The following SLC29A1 variants were observed in gnomAD, a reference collection of about 807,000 sequenced individuals.
SLC29A1 encodes solute carrier family 29 member 1 (Augustine blood group), also known as equilibrative nucleoside transporter 1.
In SLC29A1, 22 loss-of-function variants were observed where a neutral mutation model predicts 48.3. That is an observed-to-expected ratio of 0.46 (90% CI 0.33 to 0.65). The LOEUF is 0.65. Among genes scored for constraint, SLC29A1 ranks in the 30% least tolerant of loss-of-function variants. SLC29A1 has a pLI of 0.03. For missense variants in SLC29A1, 491 were observed against 575.3 expected (o/e 0.85, Z 1.50); for synonymous variants, 228 against 231.0 (o/e 0.99, Z 0.12).
chr6:44,221,554 G>A (rs767050099), upstream of SLC29A1: 102 of 1,123,908 alleles, frequency 9.1e-5, 2 homozygotes, highest in South Asian at 1.3e-3. This position sits in a 1 kb window ranked among gnomAD's most constrained non-coding sequence, Gnocchi z 4.2. Flanking sequence ...GGTGCAGCAG[G>A]ACCAACCCTT....
At chr6:44,227,633 G>A (rs528198951) in intron 2 of SLC29A1, among the ~76,000 whole-genome samples, 84 of 152,316 alleles carry the variant, frequency 5.5e-4, no homozygotes, top group African/African-American at 1.8e-3. Flanking sequence ...ACCACTGTGG[G>A]GAGATACTTG....
chr6:44,231,607 G>C (rs1172861947), intron 9 of SLC29A1, 146 bp downstream of exon 9: 1 of 637,670 alleles, frequency 1.6e-6, no homozygotes, highest in South Asian at 1.9e-5. Flanking sequence ...GTGCCCATGC[G>C]TGCGTGCCGG....
chr6:44,230,091 C>T (rs759284234), intron 5 of SLC29A1, 45 bp downstream of exon 5: 2 of 1,598,360 alleles, frequency 1.3e-6, no homozygotes, highest in East Asian at 4.5e-5. Flanking sequence ...GCATGCCCAA[C>T]TACCCCCACT....
intron 12 of SLC29A1, 52 bp from the exon 13 acceptor site, chr6:44,233,365 G>A: frequency 6.9e-7 from 1 of 1,453,224 alleles, no homozygotes; most frequent in South Asian, 1.1e-5. Context: ...CAGAGGCTCT[G>A]GGCTGGGGTA....
chr6:44,219,656 G>A, upstream of SLC29A1: 1 of 1,260,876 alleles, frequency 7.9e-7, no homozygotes, highest in Non-Finnish European at 1.0e-6. Context: ...GGCCCGGCGC[G>A]GGCTGCGCTC....
chr6:44,230,296 C>T (rs1778536693), intron 5 of SLC29A1, 51 bp from the exon 6 acceptor site: 1 of 1,586,922 alleles, frequency 6.3e-7, no homozygotes, highest in Non-Finnish European at 8.6e-7. Flanking sequence ...TCTTGGGCAC[C>T]CCCAACCACC....
At chr6:44,224,033 C>G (rs1776904144) in intron 1 of SLC29A1, 1 of 34,672 alleles carries the variant, frequency 2.9e-5, no homozygotes, top group East Asian at 1.3e-3. Flanking sequence ...TGGAGGCTCG[C>G]GAGCGGAGGT....
At position 44,230,843 on chromosome 6, in the gene SLC29A1, T is replaced by G. The variant is rs765398928; in HGVS notation, c.720T>G (p.Leu240=). The change falls in exon 8 of 13, where the codon CTT becomes CTG. Residue 240 remains leucine, a synonymous_variant. Transcript: ENST00000371755. ...ACCGCTACTACCAGCAGCTCAAGCT[T>G]GAAGGACCCGGGGAGCAGGAGACCA... The part of the protein sequence containing the change: ...EFYRYYQQLK[L]EGPGEQETKL... 1 of 1,614,032 alleles carries G rather than the reference T, an allele frequency of 6.2e-7. No individual in the cohort carries two copies. Among genetic ancestry groups the G allele is most frequent in the Non-Finnish European group, 8.5e-7 (1 of 1,179,998 alleles).
At position 44,228,258 on chromosome 6, in the gene SLC29A1, C is replaced by T. The variant is rs373407308; in HGVS notation, c.29+916C>T. Among the ~76,000 whole-genome samples the T allele has an allele frequency of 1.2e-3, 185 of 152,314 alleles. 2 individuals carry two copies. The South Asian group carries it at 0.025, about 21-fold the overall frequency. The stretch of plus-strand genomic sequence containing the variant: ...GTGGGCAGTTCCCTGAAGGCCTCGC[C>T]GGCTCCATTTGCCTTATTGCACAGC... On this transcript the variant is annotated intron_variant, in intron 2 of 12. Coordinates refer to ENST00000371755, the MANE Select transcript of SLC29A1 (RefSeq NM_001372327.1).
At position 44,229,735 on chromosome 6, in the gene SLC29A1, A is replaced by G. The variant is rs1348296134; in HGVS notation, c.258A>G (p.Leu86=). ...LSAIFNNVMT[L]CAMLPLLLFT... ...CCATCTTCAACAATGTCATGACCCT[A>G]TGTGCCATGCTGCCCCTGCTGTTAT... Residue 86 remains leucine (L), a synonymous_variant, in exon 4 of 13, where the codon CTA becomes CTG. Coordinates refer to ENST00000371755, the MANE Select transcript of SLC29A1 (RefSeq NM_001372327.1). This position sits in a 1 kb window ranked among gnomAD's most constrained non-coding sequence, Gnocchi z 5.1. 1 of 1,613,678 alleles carries G rather than the reference A, an allele frequency of 6.2e-7. No homozygotes were observed. Among genetic ancestry groups the G allele is most frequent in the East Asian group, 2.2e-5 (1 of 44,884 alleles).
chr6:44,232,740 G>A lies in SLC29A1; in HGVS notation c.1060-67G>A, dbSNP rs1779174803. The A allele has an allele frequency of 5.3e-6, 8 of 1,510,514 alleles. No individual in the cohort carries two copies. Among genetic ancestry groups the A allele is most frequent in the Admixed American group, 1.7e-5 (1 of 57,600 alleles). 93.6% of individuals were successfully genotyped at this position (1,510,514 alleles called of 1,614,324 possible). On this transcript the variant is annotated intron_variant, in intron 11 of 12. Coordinates refer to ENST00000371755, the MANE Select transcript of SLC29A1 (RefSeq NM_001372327.1). The surrounding 1 kb of genome is among the most constrained non-coding windows in gnomAD (Gnocchi z 4.7). ...TTCAGATCCTGAGGGGCCCCAGATGGATCCTTGGGGGCCTGGCTGTGCCCT... is the reference window on the plus strand; with the variant it reads ...TTCAGATCCTGAGGGGCCCCAGATGAATCCTTGGGGGCCTGGCTGTGCCCT...
In SLC29A1 at chr6:44,230,390, C is replaced by G; in HGVS notation, c.498C>G (p.Gly166=). The change falls in exon 6 of 13, where the codon GGC becomes GGG. Residue 166 remains glycine (G), a synonymous_variant. Coordinates refer to ENST00000371755, the MANE Select transcript of SLC29A1 (RefSeq NM_001372327.1). ...AGGGCAGCCTGTTTGGTCTGGCTGG[C>G]CTTCTGCCTGCCAGCTACACGGCCC... The part of the protein sequence containing the change: ...ILQGSLFGLA[G]LLPASYTAPI... The G allele has an allele frequency of 6.2e-7, 1 of 1,614,068 alleles. No homozygotes were observed. Among genetic ancestry groups the G allele is most frequent in the Non-Finnish European group, 8.5e-7 (1 of 1,179,938 alleles).
At position 44,229,532 on chromosome 6, in the gene SLC29A1, C is replaced by G. The variant is rs1778356744; in HGVS notation, c.112-57C>G. On this transcript the variant is annotated intron_variant, in intron 3 of 12. Transcript: ENST00000371755. This position sits in a 1 kb window ranked among gnomAD's most constrained non-coding sequence, Gnocchi z 5.1. The stretch of plus-strand genomic sequence containing the variant: ...CCCACTGTGCTTGCAGGATCTGACT[C>G]TGTGCTGGTAGGCACAGGGAAAGAG... 6.2e-7 allele frequency: 1 copy of G among 1,610,312 alleles called. No individual in the cohort carries two copies. The highest frequency in any genetic ancestry group is 1.7e-5 in the Admixed American group (1 of 60,008).
At chr6:44,225,507 CAAAAAAAAA>C (rs35204127) in intron 1 of SLC29A1, among the ~76,000 whole-genome samples, 2 of 102,844 alleles carry the variant, frequency 1.9e-5, no homozygotes, top group African/African-American at 7.6e-5. Context: ...AACTCCGTCT[CAAAAAAAAA>C]AAAAAAAAGA....
chr6:44,229,740 C>T lies in SLC29A1; in HGVS notation c.263C>T (p.Ala88Val). The T allele has an allele frequency of 6.2e-7, 1 of 1,613,920 alleles. No homozygotes were observed. The highest frequency in any genetic ancestry group is 8.5e-7 in the Non-Finnish European group (1 of 1,180,014). The change falls in exon 4 of 13, where the codon GCC becomes GTC. Residue 88 changes from alanine to valine, a missense_variant. By Grantham distance (64) the Ala-to-Val change is moderately conservative. Transcript: ENST00000371755. This position sits in a 1 kb window ranked among gnomAD's most constrained non-coding sequence, Gnocchi z 5.1. The part of the protein sequence containing the change: ...AIFNNVMTLC[A>V]MLPLLLFTYL... The stretch of plus-strand genomic sequence containing the variant: ...TTCAACAATGTCATGACCCTATGTG[C>T]CATGCTGCCCCTGCTGTTATTCACC...
At chr6:44,225,507 CAAA>C (rs35204127) in intron 1 of SLC29A1, among the ~76,000 whole-genome samples, 8 of 102,820 alleles carry the variant, frequency 7.8e-5, no homozygotes, top group Non-Finnish European at 7.9e-5. Flanking sequence ...AACTCCGTCT[CAAA>C]AAAAAAAAAA....
upstream of SLC29A1, chr6:44,221,578 T>C: frequency 1.3e-5 from 11 of 872,148 alleles, no homozygotes; most frequent in African/African-American, 1.7e-5. This position sits in a 1 kb window ranked among gnomAD's most constrained non-coding sequence, Gnocchi z 4.2. Context: ...ACCCCACCCC[T>C]TCGACAGGGA....
chr6:44,231,033 G>C, intron 8 of SLC29A1, 144 bp downstream of exon 8: 1 of 702,820 alleles, frequency 1.4e-6, no homozygotes, highest in Admixed American at 2.2e-5. Flanking sequence ...AGGGAGAGGG[G>C]GACAATAGGA....
rs748533120 is a variant in SLC29A1 at position 44,230,787 on chromosome 6, TC to T, written c.688-19del. On this transcript the variant is annotated intron_variant, in intron 7 of 12. Coordinates refer to ENST00000371755, the MANE Select transcript of SLC29A1 (RefSeq NM_001372327.1). The stretch of plus-strand genomic sequence containing the variant: ...TGGAGATTCTGCCTCTAAATCCACC[TC>T]CCCCGTCTCCCTTACTTGATAGGAA... 4.4e-6 allele frequency: 7 copies of T among 1,603,600 alleles called. No homozygotes were observed. The African/African-American group carries it at 8.1e-5, about 18-fold the overall frequency.
Sources: gnomAD v4.1 joint callset for allele counts (sites outside exome capture counted in the v4.1 genomes callset) on GRCh38, gnomAD v4.1.1 for gene constraint, Gnocchi (gnomAD v3.1) non-coding constraint, MANE v1.5 for transcripts, NCBI Gene and HGNC (gene_info 2026-07-23, HGNC 2026-07-21) for gene names.